PRPF4: variants seen among roughly 807,000 people sequenced by gnomAD.
PRPF4 encodes U4/U6 small nuclear ribonucleoprotein Prp4.
In PRPF4, 14 loss-of-function variants were observed where a neutral mutation model predicts 72.2. The ratio of observed to expected loss-of-function variants is 0.19; its 90% confidence interval spans 0.13 to 0.30. PRPF4 has a LOEUF of 0.30. PRPF4 is among the 10% of genes least tolerant of loss of function. The pLI is 1.00. For synonymous variants in PRPF4, 225 were observed against 232.2 expected, an observed-to-expected ratio of 0.97 and a Z score of 0.28; for missense variants, 478 against 653.9, an observed-to-expected ratio of 0.73 and a Z score of 2.93.
At chr9:113,279,334 G>A (rs1298596697) in intron 3 of PRPF4, among the ~76,000 whole-genome samples, 3 of 140,460 alleles carry the variant, frequency 2.1e-5, no homozygotes, top group African/African-American at 5.9e-5. Context: ...GTGTTTGTTC[G>A]TTTTTGTTTT....
At chr9:113,280,863 C>T (rs552114422) in intron 3 of PRPF4, among the ~76,000 whole-genome samples, 42 of 151,564 alleles carry the variant, frequency 2.8e-4, no homozygotes, top group African/African-American at 7.5e-4. Context: ...TTCTTTGAAA[C>T]GGAGTCTCGC....
intron 13 of PRPF4, 83 bp from the exon 14 acceptor site, chr9:113,291,384 A>T: frequency 7.3e-7 from 1 of 1,372,410 alleles, no homozygotes; most frequent in South Asian, 1.4e-5. Flanking sequence ...TAAAAATAGT[A>T]TGTTTTTGCA....
intron 2 of PRPF4, among the ~76,000 whole-genome samples, chr9:113,277,280 T>C (rs1439696909): frequency 1.3e-5 from 2 of 152,202 alleles, no homozygotes; most frequent in Non-Finnish European, 2.9e-5. Flanking sequence ...TCCATTTGTC[T>C]TCTGGAGATC....
intron 3 of PRPF4, among the ~76,000 whole-genome samples, chr9:113,280,791 A>G (rs1832255166): frequency 6.6e-6 from 1 of 152,124 alleles, no homozygotes; most frequent in South Asian, 2.1e-4. Context: ...GTCTTTCCAC[A>G]TAATTGGTCT....
chr9:113,283,802 C>CA (rs2118616089), intron 6 of PRPF4, among the ~76,000 whole-genome samples: 1 of 152,274 alleles, frequency 6.6e-6, no homozygotes, highest in African/African-American at 2.4e-5. Flanking sequence ...CACAGTGGCT[C>CA]AGTCCTGTAA....
Position 113,276,640 on chromosome 9 carries a change from G to T in PRPF4, c.120G>T (p.Glu40Asp). The T allele has an allele frequency of 6.2e-7, 1 of 1,614,146 alleles. No individual in the cohort carries two copies. Among genetic ancestry groups the T allele is most frequent in the African/African-American group, 1.3e-5 (1 of 75,022 alleles). ...GAAGTTTGGAAGAGAAGGAGAGGGA[G>T]CGTCTGGCCAAAGGAGAGTCTGGGA... ...YYGSLEEKER[E>D]RLAKGESGIL... is the part of the protein sequence containing the mutation. Residue 40 changes from glutamate to aspartate, a missense_variant, in exon 2 of 14, where the codon GAG (glutamate) becomes GAT (aspartate). Transcript: ENST00000374198.
rs568140896 is a variant in PRPF4 at position 113,275,669 on chromosome 9, C to T, written c.-75C>T. 1 of 1,546,418 alleles carries T rather than the reference C, an allele frequency of 6.5e-7. No individual in the cohort carries two copies. Among genetic ancestry groups the T allele is most frequent in the South Asian group, 1.2e-5 (1 of 84,828 alleles). ...TTCCTGTCAGTGACGCACTTCCCCT[C>T]TGCTGGGCGCGCGGTGGACGGTCTG... On this transcript the variant is annotated 5_prime_UTR_variant, in exon 1 of 14. Coordinates refer to ENST00000374198, the MANE Select transcript of PRPF4 (RefSeq NM_001244926.2).
At chr9:113,286,864 A>T (rs1366869047) in intron 9 of PRPF4, 36 bp downstream of exon 9, 1 of 1,613,516 alleles carries the variant, frequency 6.2e-7, no homozygotes, top group South Asian at 1.1e-5. Context: ...TACTGCCATC[A>T]CTAAAGTAGA....
chr9:113,286,370 G>C (rs1047100978), intron 8 of PRPF4, 80 bp downstream of exon 8: 1 of 1,277,212 alleles, frequency 7.8e-7, no homozygotes, highest in African/African-American at 1.5e-5. Flanking sequence ...TTGACACTCA[G>C]ACCCCATACA....
At chr9:113,285,585 A>G (rs1053050725) in intron 7 of PRPF4, among the ~76,000 whole-genome samples, 52 of 151,514 alleles carry the variant, frequency 3.4e-4, no homozygotes, top group South Asian at 1.5e-3. Flanking sequence ...TCACCGTGTT[A>G]GCCAGGATGG....
chr9:113,280,459 TC>T (rs1161304885), intron 3 of PRPF4, among the ~76,000 whole-genome samples: 1 of 152,158 alleles, frequency 6.6e-6, no homozygotes, highest in Non-Finnish European at 1.5e-5. Flanking sequence ...CCCACCTCTC[TC>T]CTATACTCAT....
chr9:113,279,317 C>A (rs1022569217), intron 3 of PRPF4, among the ~76,000 whole-genome samples, 186 bp downstream of exon 3: 1 of 151,050 alleles, frequency 6.6e-6, no homozygotes, highest in African/African-American at 2.5e-5. Context: ...ATTAATGTTT[C>A]TTTTTTGTGT....
Position 113,291,808 on chromosome 9 carries a change from C to A in PRPF4, c.*148C>A. 1.2e-6 allele frequency: 1 copy of A among 824,954 alleles called. No homozygotes were observed. Among genetic ancestry groups the A allele is most frequent in the Non-Finnish European group, 1.8e-6 (1 of 548,372 alleles). 51.1% of individuals were successfully genotyped at this position (824,954 alleles called of 1,614,324 possible). On this transcript the variant is annotated 3_prime_UTR_variant, in exon 14 of 14. Transcript: ENST00000374198. ...GTAGAATTGGATTTCCATGTCAGCC[C>A]CCACTCCAGGAAGGCAGCCCAATCC...
In PRPF4 at chr9:113,286,839, C is replaced by T; in HGVS notation, c.932+11C>T. ...TTGGAGTCTCGACAGGTGAATATCA[C>T]TGTTCTGTGGCCCATACTGCCATCA... On this transcript the variant is annotated intron_variant, in intron 9 of 13. Transcript: ENST00000374198. 1.2e-6 allele frequency: 2 copies of T among 1,614,094 alleles called. No individual in the cohort carries two copies. The highest frequency in any genetic ancestry group is 1.7e-6 in the Non-Finnish European group (2 of 1,179,952).
rs1163440284 is a variant in PRPF4, at chr9:113,275,675, G to C, written c.-69G>C. On this transcript the variant is annotated 5_prime_UTR_variant, in exon 1 of 14. Coordinates refer to ENST00000374198, the MANE Select transcript of PRPF4 (RefSeq NM_001244926.2). ...TCAGTGACGCACTTCCCCTCTGCTG[G>C]GCGCGCGGTGGACGGTCTGAAAGGG... The C allele has an allele frequency of 6.4e-7, 1 of 1,556,796 alleles. No individual in the cohort carries two copies. Among genetic ancestry groups the C allele is most frequent in the East Asian group, 2.4e-5 (1 of 42,538 alleles).
At chr9:113,281,559 A>C (rs573354055) in intron 3 of PRPF4, among the ~76,000 whole-genome samples, 1 of 152,262 alleles carries the variant, frequency 6.6e-6, no homozygotes, top group South Asian at 2.1e-4. Flanking sequence ...GCGTGGCATT[A>C]GCAATTCTTT....
At chr9:113,280,977 A>G (rs919221608) in intron 3 of PRPF4, among the ~76,000 whole-genome samples, 10 of 152,110 alleles carry the variant, frequency 6.6e-5, no homozygotes, top group Non-Finnish European at 1.5e-4. Flanking sequence ...AGTAGCTGGG[A>G]CTACAGGCAT....
At chr9:113,281,088 T>C (rs1398833937) in intron 3 of PRPF4, among the ~76,000 whole-genome samples, 1 of 152,054 alleles carries the variant, frequency 6.6e-6, no homozygotes, top group Non-Finnish European at 1.5e-5. Flanking sequence ...TCTCAACACC[T>C]CCTCAAGTGA....
At chr9:113,286,872 A>C (rs757762012) in intron 9 of PRPF4, 44 bp downstream of exon 9, 1 of 1,613,054 alleles carries the variant, frequency 6.2e-7, no homozygotes. Context: ...TCACTAAAGT[A>C]GATGTTTGAT....
Sources: gnomAD v4.1 joint callset for allele counts (sites outside exome capture counted in the v4.1 genomes callset) on GRCh38, gnomAD v4.1.1 for gene constraint, MANE v1.5 for transcripts, NCBI Gene and HGNC (gene_info 2026-07-23, HGNC 2026-07-21) for gene names.